RNF168: variants seen among roughly 807,000 people sequenced by gnomAD.
RNF168 encodes the protein ring finger protein 168, also known as E3 ubiquitin-protein ligase RNF168.
A neutral mutation model predicts 34.9 loss-of-function variants in RNF168; 34 were observed. The ratio of observed to expected loss-of-function variants is 0.97; its 90% CI spans 0.74 to 1.30. The LOEUF is 1.30. Ranked by LOEUF, RNF168 falls within the 50% of genes most tolerant of loss-of-function variation. The pLI, the probability that RNF168 is intolerant of heterozygous loss-of-function variation, is 0.00. For synonymous variants in RNF168, 264 were observed against 254.7 expected (o/e 1.04, Z -0.35); for missense variants, 725 against 682.5 (o/e 1.06, Z -0.69).
At chr3:196,484,037 G>C in intron 3 of RNF168, 146 bp from the exon 4 acceptor site, 1 of 674,462 alleles carries the variant, frequency 1.5e-6, no homozygotes, top group Admixed American at 2.5e-5. Context: ...GAAGAATATT[G>C]ACCATGCAAA....
At chr3:196,486,956 G>A (rs527799994) in intron 3 of RNF168, among the ~76,000 whole-genome samples, 1 of 152,272 alleles carries the variant, frequency 6.6e-6, no homozygotes. Flanking sequence ...AGCTACTCGG[G>A]AGGTTGGAAG....
chr3:196,472,205 C>A lies in RNF168; in HGVS notation c.1330G>T (p.Glu444Ter). 1 of 1,614,032 alleles carries A rather than the reference C, an allele frequency of 6.2e-7. No homozygotes were observed. The highest frequency in any genetic ancestry group is 8.5e-7 in the Non-Finnish European group (1 of 1,179,936). The part of the protein sequence containing the change: ...HLLFERHKQE[E>*]QDRLLALQLQ... ...TGTAATGCCAATAACCTGTCCTGTT[C>A]TTCTTGTTTATGTCTCTCAAACAGT... Residue 444 changes from glutamate to a stop codon, truncating the protein, a stop_gained, in exon 6 of 6, where the codon GAA becomes TAA. Coordinates refer to ENST00000318037, the MANE Select transcript of RNF168 (RefSeq NM_152617.4). LOFTEE classifies it high-confidence loss of function.
intron 4 of RNF168, among the ~76,000 whole-genome samples, chr3:196,480,997 GA>G (rs1336611835): frequency 1.3e-5 from 2 of 151,956 alleles, no homozygotes. Flanking sequence ...TACTACTATC[GA>G]CAGAGTATTT....
intron 1 of RNF168, among the ~76,000 whole-genome samples, chr3:196,498,759 C>T (rs1232678151): frequency 1.3e-5 from 2 of 152,064 alleles, no homozygotes; most frequent in East Asian, 1.9e-4. Flanking sequence ...CTTTGGGAGG[C>T]CGAGGCGGGT....
chr3:196,488,511 T>C (rs1732512116), intron 2 of RNF168, 96 bp downstream of exon 2: 5 of 711,614 alleles, frequency 7.0e-6, no homozygotes, highest in Middle Eastern at 3.5e-4. Context: ...TATTTCAAGA[T>C]ATACTAGTTA....
At chr3:196,489,605 GC>G (rs1378166354) in intron 1 of RNF168, among the ~76,000 whole-genome samples, 1 of 152,198 alleles carries the variant, frequency 6.6e-6, no homozygotes, top group Non-Finnish European at 1.5e-5. Flanking sequence ...GGGACTACAG[GC>G]GTGAGCCACC....
chr3:196,486,666 G>C (rs566108609), intron 3 of RNF168, among the ~76,000 whole-genome samples: 1 of 152,346 alleles, frequency 6.6e-6, no homozygotes, highest in African/African-American at 2.4e-5. Context: ...GTTAATAGTG[G>C]TTACCTTTGG....
At chr3:196,479,209 C>T (rs1034553283) in intron 4 of RNF168, among the ~76,000 whole-genome samples, 8 of 140,632 alleles carry the variant, frequency 5.7e-5, no homozygotes, top group Non-Finnish European at 1.1e-4. Context: ...GATGGGGTTT[C>T]GCCATGTTGG....
At position 196,471,149 on chromosome 3, in the gene RNF168, T is replaced by C. The variant is rs533967931; in HGVS notation, c.*670A>G. ...AGGCGGAGGTTGCAGTGAGCTGAGA[T>C]CGCGCCATTGCACACCAGCCTGCGT... On this transcript the variant is annotated 3_prime_UTR_variant, in exon 6 of 6. Coordinates refer to ENST00000318037, the MANE Select transcript of RNF168 (RefSeq NM_152617.4). 1.6e-5 allele frequency: 2 copies of C among 125,076 alleles called. No individual in the cohort carries two copies. Among genetic ancestry groups the C allele is most frequent in the South Asian group, 5.2e-4 (2 of 3,834 alleles). 7.7% of individuals were successfully genotyped at this position (125,076 alleles called of 1,614,324 possible).
intron 1 of RNF168, among the ~76,000 whole-genome samples, chr3:196,493,233 G>C (rs1732638828): frequency 6.6e-6 from 1 of 152,164 alleles, no homozygotes; most frequent in Non-Finnish European, 1.5e-5. Flanking sequence ...GCAGAGAGCT[G>C]AACTTTTGTT....
intron 1 of RNF168, among the ~76,000 whole-genome samples, chr3:196,501,598 A>G (rs1732887488): frequency 1.3e-5 from 2 of 152,100 alleles, no homozygotes. Flanking sequence ...TCACGGTTAG[A>G]GTTTATCTGG....
chr3:196,485,005 G>T (rs945837890), intron 3 of RNF168, among the ~76,000 whole-genome samples: 13 of 152,018 alleles, frequency 8.6e-5, no homozygotes, highest in South Asian at 4.2e-4. Flanking sequence ...TATCTATATG[G>T]ACATATTCAG....
chr3:196,488,418 G>C (rs1424817769), intron 2 of RNF168, among the ~76,000 whole-genome samples, 189 bp downstream of exon 2: 7 of 151,520 alleles, frequency 4.6e-5, no homozygotes, highest in Non-Finnish European at 7.4e-5. Flanking sequence ...GGAGGTGGAG[G>C]TTGCAGTGAG....
intron 4 of RNF168, among the ~76,000 whole-genome samples, chr3:196,482,570 G>A (rs867420790): frequency 1.3e-5 from 2 of 152,114 alleles, no homozygotes; most frequent in African/African-American, 2.4e-5. Flanking sequence ...CAAGCAATGC[G>A]CAAGGATTCC....
Position 196,484,171 on chromosome 3 carries a change from CT to C in RNF168, c.559-281del, listed in dbSNP as rs71699491. Among the ~76,000 whole-genome samples, 94 of 119,450 alleles carry C rather than the reference CT, an allele frequency of 7.9e-4. 2 individuals are homozygous for C. The highest frequency in any genetic ancestry group is 6.6e-3 in the South Asian group (26 of 3,944). The allele number at this position is 119,450 out of a possible 152,430, so 78.4% of individuals were successfully genotyped here. ...GATAATTCCTGTTGATCTTTCTTTC[CT>C]TTTTTTTTTTTTTTTTGAGACGCAG... On this transcript the variant is annotated intron_variant, in intron 3 of 5. Transcript: ENST00000318037.
intron 1 of RNF168, among the ~76,000 whole-genome samples, chr3:196,492,083 T>G (rs1441248617): frequency 6.6e-6 from 1 of 152,180 alleles, no homozygotes; most frequent in African/African-American, 2.4e-5. Context: ...AAAACATGAA[T>G]GTACTTCATG....
At chr3:196,501,952 TTTAACTA>T (rs1026127440) in intron 1 of RNF168, among the ~76,000 whole-genome samples, 11 of 151,474 alleles carry the variant, frequency 7.3e-5, no homozygotes, top group African/African-American at 2.7e-4. Context: ...AGCTTTTTCT[TTTAACTA>T]TTGTTTAAAA....
chr3:196,501,157 A>G (rs1171826398), intron 1 of RNF168, among the ~76,000 whole-genome samples: 1 of 152,228 alleles, frequency 6.6e-6, no homozygotes, highest in Non-Finnish European at 1.5e-5. Context: ...CCACTGTAGA[A>G]ATCAATGTGG....
At chr3:196,488,526 A>C in intron 2 of RNF168, 81 bp downstream of exon 2, 1 of 829,234 alleles carries the variant, frequency 1.2e-6, no homozygotes, top group South Asian at 1.5e-5. Flanking sequence ...TAGTTATATA[A>C]GCACAAAAAA....
Sources: allele counts gnomAD v4.1 joint callset (sites outside exome capture counted in the v4.1 genomes callset), GRCh38; gene constraint gnomAD v4.1.1; transcripts MANE v1.5; gene names NCBI Gene and HGNC (gene_info 2026-07-23, HGNC 2026-07-21).